Variants in RAP1GAP observed in about 807,000 individuals in gnomAD.
The protein encoded by RAP1GAP is rap1 GTPase-activating protein 1.
A neutral mutation model predicts 87.2 loss-of-function variants in RAP1GAP; 35 were observed. The ratio of observed to expected loss-of-function variants is 0.40; its 90% confidence interval spans 0.31 to 0.53. RAP1GAP has a LOEUF of 0.53. Among genes scored for constraint, RAP1GAP ranks in the 20% least tolerant of loss-of-function variants. RAP1GAP has a pLI of 0.48. For synonymous variants in RAP1GAP, 375 were observed against 363.9 expected, an observed-to-expected ratio of 1.03 and a Z score of -0.35; for missense variants, 734 against 898.9, an observed-to-expected ratio of 0.82 and a Z score of 2.35.
intron 2 of RAP1GAP, among the ~76,000 whole-genome samples, chr1:21,644,109 G>A (rs1011044344): frequency 2.0e-5 from 3 of 152,178 alleles, no homozygotes; most frequent in Admixed American, 6.5e-5. Flanking sequence ...GAGCCACAAC[G>A]CATGTGGAGG....
At chr1:21,665,279 G>A in intron 1 of RAP1GAP, 1 of 517,172 alleles carries the variant, frequency 1.9e-6, no homozygotes, top group South Asian at 1.4e-5. Context: ...CCGAATGGGG[G>A]TCCGAGGGAG....
chr1:21,645,079 G>A (rs537485021), intron 2 of RAP1GAP, among the ~76,000 whole-genome samples: 12 of 152,228 alleles, frequency 7.9e-5, no homozygotes, highest in South Asian at 6.2e-4. Flanking sequence ...TGAGTATAGC[G>A]GCTAGGCCTG....
chr1:21,633,588 C>T (rs1223047936), intron 2 of RAP1GAP, among the ~76,000 whole-genome samples: 5 of 152,048 alleles, frequency 3.3e-5, no homozygotes, highest in Non-Finnish European at 5.9e-5. Flanking sequence ...GAGGAGCCCA[C>T]CCTGAGGACA....
Position 21,597,950 on chromosome 1 carries a change from G to A in RAP1GAP, c.1983+11C>T, listed in dbSNP as rs755200613. On this transcript the variant is annotated intron_variant, in intron 23 of 24. Transcript: ENST00000374765. ...GCTCCCTCAGCACCAGCCCCAGGAGGCTGCACGTACCAGCTGGGGCATGTG... is the reference window on the plus strand; with the variant it reads ...GCTCCCTCAGCACCAGCCCCAGGAGACTGCACGTACCAGCTGGGGCATGTG... 7.1e-6 allele frequency: 11 copies of A among 1,560,068 alleles called. No individual in the cohort carries two copies. The highest frequency in any genetic ancestry group is 6.9e-6 in the Non-Finnish European group (8 of 1,151,860).
At chr1:21,600,116 G>C (rs1479584542) in intron 20 of RAP1GAP, among the ~76,000 whole-genome samples, 2 of 152,158 alleles carry the variant, frequency 1.3e-5, no homozygotes, top group African/African-American at 4.8e-5. Flanking sequence ...TGAGGTCCAG[G>C]CAACTCCACA....
At position 21,663,412 on chromosome 1, in the gene RAP1GAP, C is replaced by T. The variant is rs186452613; in HGVS notation, c.-149+5842G>A. Among the ~76,000 whole-genome samples the T allele has an allele frequency of 7.6e-4, 115 of 152,312 alleles. 1 individual carries two copies. The highest frequency in any genetic ancestry group is 1.2e-3 in the African/African-American group (48 of 41,564). On this transcript the variant is annotated intron_variant, in intron 1 of 24. Coordinates refer to ENST00000374765, the MANE Select transcript of RAP1GAP (RefSeq NM_002885.4). ...TCTGGACCTCCAACACAGGGGAAGA[C>T]GCAAGAGGCTGGTGATGGTGACATC...
chr1:21,652,396 C>G (rs2096648088), intron 1 of RAP1GAP, among the ~76,000 whole-genome samples: 1 of 152,130 alleles, frequency 6.6e-6, no homozygotes, highest in South Asian at 2.1e-4. Context: ...TGGCGTACAG[C>G]AGATGCTTAA....
At chr1:21,618,973 C>T in intron 5 of RAP1GAP, 52 bp downstream of exon 5, 1 of 1,535,242 alleles carries the variant, frequency 6.5e-7, no homozygotes, top group African/African-American at 1.4e-5. Context: ...GCAGCACTTC[C>T]CGGACCCCCT....
intron 2 of RAP1GAP, among the ~76,000 whole-genome samples, chr1:21,639,637 G>A (rs921614626): frequency 2.0e-5 from 3 of 152,220 alleles, no homozygotes; most frequent in Admixed American, 1.3e-4. Context: ...CACCTTGCAC[G>A]TGTAGAGAAG....
chr1:21,631,984 GCT>G (rs1188427682), intron 2 of RAP1GAP, among the ~76,000 whole-genome samples: 2 of 152,216 alleles, frequency 1.3e-5, no homozygotes, highest in Admixed American at 1.3e-4. Flanking sequence ...CTCCGGCTCT[GCT>G]CTGTCTGGCC....
chr1:21,627,706 C>T (rs934224201), intron 2 of RAP1GAP, among the ~76,000 whole-genome samples: 2 of 151,944 alleles, frequency 1.3e-5, no homozygotes, highest in African/African-American at 4.8e-5. Flanking sequence ...TGAGCCACTG[C>T]GCCCAGTCTG....
intron 2 of RAP1GAP, 79 bp from the exon 3 acceptor site, chr1:21,626,476 C>T: frequency 8.4e-7 from 1 of 1,185,340 alleles, no homozygotes; most frequent in Non-Finnish European, 1.3e-6. Context: ...ACTCTCAGAG[C>T]TGGGGGATGT....
At chr1:21,612,178 G>T in intron 10 of RAP1GAP, 69 bp from the exon 11 acceptor site, 1 of 1,262,142 alleles carries the variant, frequency 7.9e-7, no homozygotes, top group Non-Finnish European at 1.1e-6. Context: ...CTTCCCCCGT[G>T]CCAAGCACTG....
chr1:21,597,710 G>T lies in RAP1GAP; in HGVS notation c.*10C>A. On this transcript the variant is annotated 3_prime_UTR_variant, in exon 24 of 25. Transcript: ENST00000374765. The stretch of plus-strand genomic sequence containing the variant: ...CCTGCTCAGTTTCACCTTCAGAGGG[G>T]GTGGCCCGGCTAACAGCCCTGCAGA... 6.2e-7 allele frequency: 1 copy of T among 1,613,422 alleles called. No homozygotes were observed. The highest frequency in any genetic ancestry group is 8.5e-7 in the Non-Finnish European group (1 of 1,179,526).
intron 2 of RAP1GAP, among the ~76,000 whole-genome samples, chr1:21,629,229 G>A (rs2093186171): frequency 6.6e-6 from 1 of 152,162 alleles, no homozygotes; most frequent in Non-Finnish European, 1.5e-5. Flanking sequence ...TAGAAGCCCG[G>A]TAAAGCTGGA....
In RAP1GAP at chr1:21,596,819, A is replaced by G. The variant is rs1310691559; in HGVS notation, c.*480T>C. 6.6e-6 allele frequency: 1 copy of G among 152,366 alleles called. No homozygotes were observed. Among genetic ancestry groups the G allele is most frequent in the African/African-American group, 2.4e-5 (1 of 41,444 alleles). 9.4% of individuals were successfully genotyped at this position (152,366 alleles called of 1,614,324 possible). Reference sequence around the variant, plus strand: ...TGACTTGCCCAGAGTCACACAGCAGAACCCAAATTGGAAACCAGGACCCGG... The same window carrying G: ...TGACTTGCCCAGAGTCACACAGCAGGACCCAAATTGGAAACCAGGACCCGG... On this transcript the variant is annotated 3_prime_UTR_variant, in exon 25 of 25. Coordinates refer to ENST00000374765, the MANE Select transcript of RAP1GAP (RefSeq NM_002885.4).
At position 21,603,816 on chromosome 1, in the gene RAP1GAP, C is replaced by T. The variant is rs372872180; in HGVS notation, c.1429-903G>A. Reference sequence around the variant, plus strand: ...GCGTGCAGGCAGCCTCCAGAGCCGGCGGCCCCGCGGACGACAACCTCTTCC... The same window carrying T: ...GCGTGCAGGCAGCCTCCAGAGCCGGTGGCCCCGCGGACGACAACCTCTTCC... On this transcript the variant is annotated intron_variant, in intron 18 of 24. Transcript: ENST00000374765. The surrounding 1 kb of genome is among the most constrained non-coding windows in gnomAD (Gnocchi z 6.0). 20 of 1,608,008 alleles carry T rather than the reference C, an allele frequency of 1.2e-5. No individual in the cohort carries two copies. In the African/African-American group the frequency reaches 1.6e-4, roughly 13 times the overall value.
intron 2 of RAP1GAP, among the ~76,000 whole-genome samples, chr1:21,646,028 C>T (rs2096022322): frequency 6.6e-6 from 1 of 152,228 alleles, no homozygotes; most frequent in African/African-American, 2.4e-5. Flanking sequence ...CCTGGGCCAC[C>T]ACTTCCCCTC....
At chr1:21,617,806 A>C (rs2083269093) in intron 6 of RAP1GAP, 128 bp downstream of exon 6, 4 of 1,358,486 alleles carry the variant, frequency 2.9e-6, no homozygotes, top group Admixed American at 3.5e-5. Context: ...GGGCCTGCAA[A>C]TTAAGTCTCC....
Sources: allele counts gnomAD v4.1 joint callset (sites outside exome capture counted in the v4.1 genomes callset), GRCh38; gene constraint gnomAD v4.1.1; non-coding constraint Gnocchi (gnomAD v3.1); transcripts MANE v1.5; gene names NCBI Gene and HGNC (gene_info 2026-07-23, HGNC 2026-07-21).